The following SH3BGRL variants were observed in gnomAD, a reference collection of about 807,000 sequenced individuals.
SH3BGRL encodes the protein adapter SH3BGRL.
SH3BGRL carries 7 observed loss-of-function variants against 9.8 expected under a neutral mutation model. The observed-to-expected ratio is 0.72, with a 90% CI of 0.41 to 1.35. The LOEUF is 1.35. SH3BGRL is among the 40% of genes most tolerant of loss of function. The probability of loss-of-function intolerance (pLI) is 0.01; values close to 1 mark genes in which losing one functional copy is unlikely to be tolerated. For synonymous variants in SH3BGRL, 36 were observed against 29.1 expected (o/e 1.24, Z -0.76); for missense variants, 73 against 84.4 (o/e 0.86, Z 0.53).
At chrX:81,216,254 T>C (rs2075581051) in intron 1 of SH3BGRL, among the ~76,000 whole-genome samples, 1 of 111,325 alleles carries the variant, frequency 9.0e-6, no homozygotes, top group Non-Finnish European at 1.9e-5. Context: ...ATTCTATATA[T>C]CAATATGCAT....
chrX:81,279,686 C>T (rs1282260834), intron 3 of SH3BGRL, among the ~76,000 whole-genome samples: 2 of 111,284 alleles, frequency 1.8e-5, no homozygotes, highest in Admixed American at 1.9e-4. Flanking sequence ...CCTGGTATCT[C>T]GCTGGGTCCC....
intron 3 of SH3BGRL, among the ~76,000 whole-genome samples, chrX:81,280,345 C>T (rs751942428): frequency 3.6e-5 from 4 of 111,365 alleles, no homozygotes; most frequent in African/African-American, 9.8e-5. Context: ...TTCTGGAAAG[C>T]GCCACCTCCT....
At position 81,223,921 on chromosome X, in the gene SH3BGRL, A is replaced by G. The variant is rs777855799; in HGVS notation, c.45+21676A>G. Among the ~76,000 whole-genome samples the G allele has an allele frequency of 2.7e-5, 3 of 111,314 alleles. No individual in the cohort carries two copies. In the South Asian group the frequency reaches 1.2e-3, roughly 43 times the overall value. The stretch of plus-strand genomic sequence containing the variant: ...GGCTGGTCTTGAATTCCTGGCCTCA[A>G]GTGACCCTCCAGTCTTGGCCTCCCA... On this transcript the variant is annotated intron_variant, in intron 1 of 3. Transcript: ENST00000373212.
intron 1 of SH3BGRL, among the ~76,000 whole-genome samples, chrX:81,232,035 C>T (rs1219200762): frequency 9.1e-6 from 1 of 109,338 alleles, no homozygotes; most frequent in African/African-American, 3.3e-5. Flanking sequence ...CACACACACA[C>T]ACCTCAAAGC....
At chrX:81,265,198 A>G (rs2075752838) in intron 1 of SH3BGRL, among the ~76,000 whole-genome samples, 1 of 103,562 alleles carries the variant, frequency 9.7e-6, no homozygotes, top group Non-Finnish European at 2.0e-5. Context: ...AACAGAGTAG[A>G]GTTTTTTTTT....
In SH3BGRL at chrX:81,298,429, T is replaced by C. The variant is rs943225404; in HGVS notation, c.*1202T>C. ...TAAACTACATTATCATGTATATCTA[T>C]TGTATGCTGGTCTTTACTTTTTGCC... On this transcript the variant is annotated 3_prime_UTR_variant, in exon 4 of 4. Coordinates refer to ENST00000373212, the MANE Select transcript of SH3BGRL (RefSeq NM_003022.3). 2 of 111,512 alleles carry C rather than the reference T, an allele frequency of 1.8e-5. No individual in the cohort carries two copies. The highest frequency in any genetic ancestry group is 3.2e-5 in the African/African-American group (1 of 30,814). The allele number at this position is 111,512 out of a possible 1,213,427, so 9.2% of individuals were successfully genotyped here.
At chrX:81,272,014 G>A (rs771252058) in intron 1 of SH3BGRL, among the ~76,000 whole-genome samples, 6 of 109,233 alleles carry the variant, frequency 5.5e-5, no homozygotes, top group African/African-American at 2.0e-4. Context: ...CTAACATGGT[G>A]AAACCCTGTC....
At chrX:81,277,442 A>G (rs1004080889) in intron 2 of SH3BGRL, among the ~76,000 whole-genome samples, 1 of 112,459 alleles carries the variant, frequency 8.9e-6, no homozygotes, top group Non-Finnish European at 1.9e-5. Flanking sequence ...TAGGAATCCC[A>G]ACCAAATTTA....
intron 1 of SH3BGRL, among the ~76,000 whole-genome samples, chrX:81,204,858 G>A (rs1325486751): frequency 8.9e-6 from 1 of 112,392 alleles, no homozygotes; most frequent in Non-Finnish European, 1.9e-5. Context: ...GCCTAATAGT[G>A]AAGAGTAGCA....
chrX:81,222,843 T>A (rs1271019991), intron 1 of SH3BGRL, among the ~76,000 whole-genome samples: 2 of 111,994 alleles, frequency 1.8e-5, no homozygotes, highest in Non-Finnish European at 3.8e-5. Context: ...TGTTGTTTCC[T>A]GACTTTTTAA....
intron 3 of SH3BGRL, among the ~76,000 whole-genome samples, chrX:81,288,749 A>G (rs1215545435): frequency 8.9e-6 from 1 of 112,130 alleles, no homozygotes; most frequent in Non-Finnish European, 1.9e-5. Context: ...GTTTTCTACA[A>G]TGAAAATGTA....
intron 1 of SH3BGRL, among the ~76,000 whole-genome samples, chrX:81,276,033 CT>C (rs985197971): frequency 1.7e-4 from 19 of 110,860 alleles, no homozygotes; most frequent in African/African-American, 5.9e-4. Flanking sequence ...CTCCATGTGT[CT>C]TTATTTTAAT....
At chrX:81,277,903 T>TA (rs2075803444) in intron 2 of SH3BGRL, among the ~76,000 whole-genome samples, 2 of 112,229 alleles carry the variant, frequency 1.8e-5, no homozygotes, top group Admixed American at 1.9e-4. Context: ...TTATGGAAGT[T>TA]AGTCTCTCTG....
intron 1 of SH3BGRL, among the ~76,000 whole-genome samples, chrX:81,231,619 C>G (rs2075633186): frequency 8.9e-6 from 1 of 112,120 alleles, no homozygotes; most frequent in Admixed American, 9.4e-5. Flanking sequence ...GGGTTCCTAA[C>G]TCTTACTAAC....
chrX:81,202,494 C>T, intron 1 of SH3BGRL: 3 of 974,951 alleles, frequency 3.1e-6, no homozygotes, highest in Non-Finnish European at 1.3e-6. Context: ...TGAAGGAAAA[C>T]GAAAGCTACC....
At chrX:81,240,096 A>G (rs187473915) in intron 1 of SH3BGRL, among the ~76,000 whole-genome samples, 1 of 112,399 alleles carries the variant, frequency 8.9e-6, no homozygotes, top group African/African-American at 3.2e-5. Context: ...CACTGGTAAG[A>G]GGAAATACAC....
intron 1 of SH3BGRL, among the ~76,000 whole-genome samples, chrX:81,226,879 C>G (rs1037352017): frequency 1.8e-5 from 2 of 111,100 alleles, no homozygotes; most frequent in Non-Finnish European, 3.8e-5. Flanking sequence ...GGTTTTAGCC[C>G]TGTAAGACTA....
intron 1 of SH3BGRL, among the ~76,000 whole-genome samples, chrX:81,230,342 A>G (rs949324617): frequency 4.5e-5 from 5 of 112,061 alleles, no homozygotes; most frequent in Non-Finnish European, 9.4e-5. Flanking sequence ...AAATGCATAA[A>G]TAAGTATGTA....
intron 1 of SH3BGRL, among the ~76,000 whole-genome samples, chrX:81,219,579 G>A (rs1318511177): frequency 9.0e-6 from 1 of 111,583 alleles, no homozygotes; most frequent in African/African-American, 3.3e-5. Context: ...TGGATAAATT[G>A]ACTTCTTTAT....
Sources: allele counts gnomAD v4.1 joint callset (sites outside exome capture counted in the v4.1 genomes callset), GRCh38; gene constraint gnomAD v4.1.1; transcripts MANE v1.5; gene names NCBI Gene and HGNC (gene_info 2026-07-23, HGNC 2026-07-21).